PXT1: variants seen among roughly 807,000 people sequenced by gnomAD.
PXT1 encodes peroxisomal testis enriched protein 1, also known as peroxisomal testis-specific protein 1.
A neutral mutation model predicts 11.0 loss-of-function variants in PXT1; 11 were observed. The observed-to-expected ratio is 1.00, with a 90% CI of 0.63 to 1.66. The LOEUF is 1.66. PXT1 is among the 40% of genes most tolerant of loss of function. PXT1 has a pLI of 0.00. For missense variants in PXT1, 141 were observed against 155.5 expected (o/e 0.91, Z 0.49); for synonymous variants, 43 against 51.4 (o/e 0.84, Z 0.70).
At position 36,437,820 on chromosome 6, in the gene PXT1, CTT is replaced by C. The variant is rs375905408; in HGVS notation, c.-10+945_-10+946del. On this transcript the variant is annotated intron_variant, in intron 2 of 4. Transcript: ENST00000454782. ...CGTGAGCCACCGTGCCCAGCCACTG[CTT>C]TTTTTTTTTTTTTTTTTTTTAGAGT... Among the ~76,000 whole-genome samples, 483 of 79,410 alleles carry C rather than the reference CTT, an allele frequency of 6.1e-3. 7 individuals carry two copies. The highest frequency in any genetic ancestry group is 0.024 in the African/African-American group (416 of 17,654). The allele number at this position is 79,410 out of a possible 152,430, so 52.1% of individuals were successfully genotyped here. A position where few individuals can be genotyped will look rare whatever the true frequency, so the allele number is the denominator to read the frequency against.
At chr6:36,411,887 G>A (rs1375355313) in intron 3 of PXT1, among the ~76,000 whole-genome samples, 1 of 152,098 alleles carries the variant, frequency 6.6e-6, no homozygotes, top group East Asian at 1.9e-4. Context: ...TGTTGAGGCT[G>A]CACTGAGCCA....
intron 3 of PXT1, among the ~76,000 whole-genome samples, chr6:36,402,484 C>T (rs1774227230): frequency 6.6e-6 from 1 of 152,170 alleles, no homozygotes; most frequent in African/African-American, 2.4e-5. Context: ...ACATAAACTA[C>T]AATTCAACAT....
At chr6:36,396,313 G>T (rs1460736399) in intron 4 of PXT1, among the ~76,000 whole-genome samples, 1 of 152,150 alleles carries the variant, frequency 6.6e-6, no homozygotes, top group Non-Finnish European at 1.5e-5. Context: ...TCTGAGTTGG[G>T]GCAGGAGCTC....
chr6:36,408,880 A>G (rs1318130439), intron 3 of PXT1, among the ~76,000 whole-genome samples: 7 of 151,882 alleles, frequency 4.6e-5, no homozygotes, highest in African/African-American at 1.7e-4. Flanking sequence ...ATGTTTCAAA[A>G]AAAAAAATAC....
chr6:36,404,638 A>T (rs1473805027), intron 3 of PXT1, among the ~76,000 whole-genome samples: 1 of 149,136 alleles, frequency 6.7e-6, no homozygotes, highest in East Asian at 2.0e-4. Flanking sequence ...TTTAGAGTAT[A>T]CTCCTTCTAC....
intron 3 of PXT1, among the ~76,000 whole-genome samples, chr6:36,421,574 G>A (rs1774525914): frequency 6.6e-6 from 1 of 152,200 alleles, no homozygotes; most frequent in African/African-American, 2.4e-5. Flanking sequence ...ACAAATATTA[G>A]GGGAGAAAAA....
At chr6:36,417,507 C>A (rs1384606023) in intron 3 of PXT1, among the ~76,000 whole-genome samples, 1 of 148,844 alleles carries the variant, frequency 6.7e-6, no homozygotes, top group Non-Finnish European at 1.5e-5. Context: ...GCAATCCCAG[C>A]ACTTCGAGAG....
chr6:36,440,420 A>G (rs1301043173), intron 1 of PXT1, among the ~76,000 whole-genome samples: 1 of 152,018 alleles, frequency 6.6e-6, no homozygotes, highest in Non-Finnish European at 1.5e-5. Flanking sequence ...AATACAAAAA[A>G]TTAGCCGGGC....
intron 2 of PXT1, among the ~76,000 whole-genome samples, chr6:36,434,297 C>CT (rs1246704061): frequency 6.6e-6 from 1 of 152,184 alleles, no homozygotes; most frequent in Non-Finnish European, 1.5e-5. Flanking sequence ...AATATATACA[C>CT]ACACATCTTG....
At chr6:36,416,284 G>A (rs1037617420) in intron 3 of PXT1, among the ~76,000 whole-genome samples, 1 of 152,098 alleles carries the variant, frequency 6.6e-6, no homozygotes, top group African/African-American at 2.4e-5. Flanking sequence ...AGGAGCTGGC[G>A]GCTGCAGTGA....
chr6:36,405,377 GTT>G lies in PXT1; in HGVS notation c.170-4795_170-4794del, dbSNP rs34977971. 4.1e-5 allele frequency among the ~76,000 whole-genome samples: 6 copies of G among 146,550 alleles called. No individual in the cohort carries two copies. The East Asian group carries it at 6.0e-4, about 15-fold the overall frequency. On this transcript the variant is annotated intron_variant, in intron 3 of 4. Coordinates refer to ENST00000454782, the MANE Select transcript of PXT1 (RefSeq NM_152990.4). ...GTTAATTTATTATTGAAGAAAAACT[GTT>G]TTTTTTTTTTTATTTTGAGATGGAG...
intron 3 of PXT1, 60 bp downstream of exon 3, chr6:36,425,854 A>C: frequency 9.1e-7 from 1 of 1,096,610 alleles, no homozygotes; most frequent in South Asian, 1.5e-5. Flanking sequence ...TATGGTCTTA[A>C]TAGCAAGAAA....
chr6:36,392,171 A>G (rs1774079048), intron 4 of PXT1, among the ~76,000 whole-genome samples: 1 of 152,122 alleles, frequency 6.6e-6, no homozygotes, highest in African/African-American at 2.4e-5. Context: ...AGGACCACAG[A>G]TGCATGCCAC....
intron 3 of PXT1, among the ~76,000 whole-genome samples, chr6:36,418,352 T>A (rs1468502225): frequency 6.6e-6 from 1 of 152,172 alleles, no homozygotes; most frequent in Non-Finnish European, 1.5e-5. Context: ...AATTAAGGAA[T>A]TTCACTGCTA....
In PXT1 at chr6:36,409,365, C is replaced by A. The variant is rs114737839; in HGVS notation, c.170-8781G>T. ...ACCAGGACAGAAAGCACAGAGAACC[C>A]ACCACAGGGGCTCCTGATGCTTGGA... On this transcript the variant is annotated intron_variant, in intron 3 of 4. Transcript: ENST00000454782. 5.9e-3 allele frequency among the ~76,000 whole-genome samples: 895 copies of A among 152,228 alleles called. 9 individuals carry two copies. The highest frequency in any genetic ancestry group is 0.018 in the African/African-American group (756 of 41,544).
intron 3 of PXT1, among the ~76,000 whole-genome samples, chr6:36,413,563 G>A (rs145652085): frequency 1.2e-4 from 19 of 152,326 alleles, no homozygotes; most frequent in African/African-American, 4.3e-4. Context: ...GGAGACACAT[G>A]AATTCATTTG....
At chr6:36,428,230 G>C (rs1217905605) in intron 2 of PXT1, among the ~76,000 whole-genome samples, 2 of 152,016 alleles carry the variant, frequency 1.3e-5, no homozygotes, top group Non-Finnish European at 2.9e-5. Flanking sequence ...CGGATCATGA[G>C]GTCAGAAGAT....
intron 3 of PXT1, among the ~76,000 whole-genome samples, chr6:36,417,478 G>C (rs1251323550): frequency 6.6e-6 from 1 of 151,970 alleles, no homozygotes. Flanking sequence ...CAGCAGGCCA[G>C]GCATGGTGGC....
intron 3 of PXT1, among the ~76,000 whole-genome samples, chr6:36,418,088 T>C (rs968333494): frequency 7.9e-5 from 12 of 151,628 alleles, no homozygotes; most frequent in African/African-American, 1.2e-4. Context: ...CCCAGCTACT[T>C]GGGAGACTGA....
Sources: gnomAD v4.1 joint callset for allele counts (sites outside exome capture counted in the v4.1 genomes callset) on GRCh38, gnomAD v4.1.1 for gene constraint, MANE v1.5 for transcripts, NCBI Gene and HGNC (gene_info 2026-07-23, HGNC 2026-07-21) for gene names.